PAH: variants seen among roughly 807,000 people sequenced by gnomAD.
PAH encodes phenylalanine-4-hydroxylase.
Under a neutral mutation model 62.0 loss-of-function variants are expected in PAH, and 64 were observed. That is an observed-to-expected ratio of 1.03 (90% CI 0.84 to 1.27). The LOEUF (loss-of-function observed/expected upper bound fraction) is 1.27. Among genes scored for constraint, PAH ranks in the 50% most tolerant of loss-of-function variants. PAH has a pLI of 0.00. For synonymous variants in PAH, 195 were observed against 196.2 expected (o/e 0.99, Z 0.05); for missense variants, 579 against 542.8 (o/e 1.07, Z -0.66).
intron 2 of PAH, among the ~76,000 whole-genome samples, chr12:102,907,872 C>G (rs541324406): frequency 4.1e-4 from 62 of 152,246 alleles, no homozygotes; most frequent in African/African-American, 1.4e-3. Context: ...CCCGCCTTGG[C>G]CTTCCAAAGT....
rs1449094147 is a variant in PAH, at chr12:102,957,273, A to AC, written c.-96+921dup. 5.3e-5 allele frequency among the ~76,000 whole-genome samples: 8 copies of AC among 151,890 alleles called. No homozygotes were observed. The highest frequency in any genetic ancestry group is 2.9e-5 in the Non-Finnish European group (2 of 67,962). On this transcript the variant is annotated intron_variant, in intron 1 of 4. Transcript: ENST00000551337. This position sits in a 1 kb window ranked among gnomAD's most constrained non-coding sequence, Gnocchi z 4.1. ...TCTTAGTAGAATCCAAGAGAGCTTCACCCCAAGTCTTTCCACCTATACACC... is the reference window on the plus strand; with the variant it reads ...TCTTAGTAGAATCCAAGAGAGCTTCACCCCCAAGTCTTTCCACCTATACACC...
At chr12:102,879,101 C>T (rs1451287659) in intron 3 of PAH, among the ~76,000 whole-genome samples, 1 of 152,088 alleles carries the variant, frequency 6.6e-6, no homozygotes, top group Non-Finnish European at 1.5e-5. Context: ...TACTTATCCT[C>T]TCTGTGTCTC....
At chr12:102,855,057 C>T (rs1565847986) in intron 6 of PAH, 79 bp downstream of exon 6, 2 of 1,168,688 alleles carry the variant, frequency 1.7e-6, no homozygotes, top group Non-Finnish European at 2.6e-6. Context: ...CCTCCACATA[C>T]TTGTCTTCCC....
intron 1 of PAH, among the ~76,000 whole-genome samples, chr12:102,925,753 A>G (rs1270029076): frequency 3.3e-5 from 5 of 152,144 alleles, no homozygotes; most frequent in Non-Finnish European, 7.3e-5. Flanking sequence ...AACCCAATGC[A>G]ATTAAGGTAT....
chr12:102,904,983 G>A (rs1459861513), intron 2 of PAH, among the ~76,000 whole-genome samples: 1 of 152,114 alleles, frequency 6.6e-6, no homozygotes. Flanking sequence ...TAAAATAAAA[G>A]CTTTCTACTC....
chr12:102,919,685 T>G (rs1052584285), upstream of PAH, among the ~76,000 whole-genome samples: 1 of 152,068 alleles, frequency 6.6e-6, no homozygotes, highest in African/African-American at 2.4e-5. Context: ...CACATATGAG[T>G]GAGAATATGT....
At chr12:102,850,941 A>C (rs997376597) in intron 8 of PAH, among the ~76,000 whole-genome samples, 1 of 152,032 alleles carries the variant, frequency 6.6e-6, no homozygotes, top group Non-Finnish European at 1.5e-5. Context: ...ACATTCAGCC[A>C]GGCATGAAAG....
At chr12:102,932,672 C>G (rs1288152922) in intron 1 of PAH, among the ~76,000 whole-genome samples, 1 of 152,164 alleles carries the variant, frequency 6.6e-6, no homozygotes, top group Admixed American at 6.5e-5. Context: ...GAACATCTGC[C>G]TTTTTTGAGA....
chr12:102,887,473 C>G (rs1013701345), intron 3 of PAH, among the ~76,000 whole-genome samples: 19 of 151,978 alleles, frequency 1.3e-4, no homozygotes, highest in Admixed American at 1.2e-3. Context: ...GCCACCAACT[C>G]TTTATATATT....
At chr12:102,902,551 G>A (rs1167948877) in intron 2 of PAH, among the ~76,000 whole-genome samples, 2 of 152,162 alleles carry the variant, frequency 1.3e-5, no homozygotes, top group African/African-American at 4.8e-5. Context: ...AGATACTGAT[G>A]GAACTTCTTA....
At chr12:102,858,011 A>G (rs1004257528) in intron 5 of PAH, among the ~76,000 whole-genome samples, 3 of 152,242 alleles carry the variant, frequency 2.0e-5, no homozygotes, top group African/African-American at 7.2e-5. Context: ...AAATGCTCCA[A>G]TTAAAAGACA....
intron 1 of PAH, among the ~76,000 whole-genome samples, chr12:102,948,860 T>C (rs536753208): frequency 6.6e-6 from 1 of 152,294 alleles, no homozygotes; most frequent in East Asian, 1.9e-4. Flanking sequence ...TTAACAAACA[T>C]CTCAGTTATC....
intron 1 of PAH, among the ~76,000 whole-genome samples, chr12:102,934,990 G>A (rs1020236471): frequency 2.6e-5 from 4 of 152,076 alleles, no homozygotes; most frequent in African/African-American, 9.7e-5. Context: ...TTGAAGAAAG[G>A]CTTTCAGTCT....
intron 3 of PAH, among the ~76,000 whole-genome samples, chr12:102,880,172 C>T (rs939374348): frequency 7.2e-5 from 11 of 152,104 alleles, no homozygotes; most frequent in Non-Finnish European, 1.2e-4. Context: ...TGGTGAGGAA[C>T]GTGGCTTCCC....
intron 4 of PAH, among the ~76,000 whole-genome samples, chr12:102,871,936 AAAAAAAAAAAAAAAT>A (rs1214075881): frequency 3.5e-4 from 32 of 90,312 alleles, no homozygotes; most frequent in African/African-American, 6.3e-4. Context: ...AAAAAAAAAA[AAAAAAAAAAAAAAAT>A]ATATATATAT....
At chr12:102,947,529 A>T (rs763997729) in intron 1 of PAH, among the ~76,000 whole-genome samples, 2 of 152,176 alleles carry the variant, frequency 1.3e-5, no homozygotes, top group African/African-American at 2.4e-5. Context: ...AGCATATGTC[A>T]TCAAGGAACT....
intron 8 of PAH, among the ~76,000 whole-genome samples, chr12:102,849,565 G>A (rs558918193): frequency 3.9e-4 from 60 of 152,258 alleles, no homozygotes; most frequent in African/African-American, 1.4e-3. Flanking sequence ...GAAGCTACAT[G>A]GTCTGCATCT....
upstream of PAH, chr12:102,953,399 G>A (rs1285167512): frequency 1.3e-5 from 2 of 152,308 alleles, no homozygotes; most frequent in East Asian, 1.9e-4. Context: ...TTTTCAAAGA[G>A]ATGAGTCATA....
chr12:102,843,593 G>A, intron 11 of PAH, 53 bp downstream of exon 11: 1 of 1,601,862 alleles, frequency 6.2e-7, no homozygotes, highest in South Asian at 1.1e-5. Flanking sequence ...CAGATGAGTG[G>A]CACCAGTCAG....
Sources: gnomAD v4.1 joint callset for allele counts (sites outside exome capture counted in the v4.1 genomes callset) on GRCh38, gnomAD v4.1.1 for gene constraint, Gnocchi (gnomAD v3.1) non-coding constraint, MANE v1.5 for transcripts, NCBI Gene and HGNC (gene_info 2026-07-23, HGNC 2026-07-21) for gene names.